INPP5A: variants seen among roughly 807,000 people sequenced by gnomAD.
INPP5A encodes the protein inositol polyphosphate-5-phosphatase A, also known as 43 kDa inositol polyphosphate 5-phophatase.
A neutral mutation model predicts 65.2 loss-of-function variants in INPP5A; 14 were observed. The ratio of observed to expected loss-of-function variants is 0.21; its 90% CI spans 0.14 to 0.34. The LOEUF (loss-of-function observed/expected upper bound fraction) is 0.34. INPP5A is among the 10% of genes least tolerant of loss of function. The probability of loss-of-function intolerance (pLI) is 1.00; values close to 1 mark genes in which losing one functional copy is unlikely to be tolerated. For synonymous variants in INPP5A, 207 were observed against 208.3 expected (o/e 0.99, Z 0.05); for missense variants, 431 against 545.6 (o/e 0.79, Z 2.09).
rs541120846 is a variant in INPP5A, at chr10:132,741,693, A to G, written c.733-7824A>G. On this transcript the variant is annotated intron_variant, in intron 9 of 15. Transcript: ENST00000368594. This position sits in a 1 kb window ranked among gnomAD's most constrained non-coding sequence, Gnocchi z 4.4. ...CGTCCGCTTGCTTTTCTCAATAGCC[A>G]ATGTAAACTGAGGTGGACGTCAGTA... Among the ~76,000 whole-genome samples, 1 of 150,502 alleles carries G rather than the reference A, an allele frequency of 6.6e-6. No individual in the cohort carries two copies. The highest frequency in any genetic ancestry group is 6.6e-5 in the Admixed American group (1 of 15,162).
intron 12 of INPP5A, 60 bp from the exon 13 acceptor site, chr10:132,777,611 C>G (rs1199375291): frequency 1.3e-6 from 2 of 1,504,560 alleles, no homozygotes; most frequent in South Asian, 2.4e-5. Flanking sequence ...ACAGCCGTCC[C>G]TTTGGGGCTG....
chr10:132,642,182 A>G (rs2072434803), intron 2 of INPP5A, among the ~76,000 whole-genome samples: 1 of 151,810 alleles, frequency 6.6e-6, no homozygotes, highest in African/African-American at 2.4e-5. Context: ...CGGTCTGGGG[A>G]CAGCCTGGAG....
In INPP5A at chr10:132,696,789, A is replaced by G. The variant is rs957985235; in HGVS notation, c.371-1027A>G. Among the ~76,000 whole-genome samples, 4 of 152,280 alleles carry G rather than the reference A, an allele frequency of 2.6e-5. No homozygotes were observed. In the East Asian group the frequency reaches 5.8e-4, roughly 22 times the overall value. On this transcript the variant is annotated intron_variant, in intron 5 of 15. Coordinates refer to ENST00000368594, the MANE Select transcript of INPP5A (RefSeq NM_005539.5). ...TGCGCCTAGGGCTGGGCCGGGTCAC[A>G]GCACCCAGGGCCAGGTCAGACCACA...
At chr10:132,688,787 A>G (rs750009504) in intron 4 of INPP5A, among the ~76,000 whole-genome samples, 1 of 148,214 alleles carries the variant, frequency 6.7e-6, no homozygotes, top group Non-Finnish European at 1.5e-5. Context: ...TTCGTGTGTG[A>G]GCAAGTGCGT....
rs1399710228 is a variant in INPP5A at position 132,753,162 on chromosome 10, G to T, written c.903+3317G>T. Among the ~76,000 whole-genome samples, 1 of 152,168 alleles carries T rather than the reference G, an allele frequency of 6.6e-6. No individual in the cohort carries two copies. On this transcript the variant is annotated intron_variant, in intron 11 of 15. Coordinates refer to ENST00000368594, the MANE Select transcript of INPP5A (RefSeq NM_005539.5). The surrounding 1 kb of genome is among the most constrained non-coding windows in gnomAD (Gnocchi z 5.3). Reference sequence around the variant, plus strand: ...CCCATGGGTTCCTGCTGACCCGGGTGCCCTCGCACTTGCCCGAGGTGCCGG... The same window carrying T: ...CCCATGGGTTCCTGCTGACCCGGGTTCCCTCGCACTTGCCCGAGGTGCCGG...
intron 1 of INPP5A, among the ~76,000 whole-genome samples, chr10:132,604,492 C>T (rs1454682440): frequency 6.6e-6 from 1 of 152,186 alleles, no homozygotes; most frequent in Non-Finnish European, 1.5e-5. Context: ...TCCTCTTCCC[C>T]CCGTTTGTTA....
intron 9 of INPP5A, among the ~76,000 whole-genome samples, chr10:132,742,872 G>T (rs904924082): frequency 2.0e-5 from 3 of 152,284 alleles, no homozygotes; most frequent in South Asian, 4.1e-4. Flanking sequence ...ACCGCTGAAG[G>T]CATTGTTTTT....
chr10:132,775,918 C>A (rs1299539567), intron 12 of INPP5A, among the ~76,000 whole-genome samples: 2 of 152,186 alleles, frequency 1.3e-5, no homozygotes, highest in Admixed American at 1.3e-4. Context: ...TCGGTTCCAG[C>A]TTCCTATTTA....
chr10:132,605,922 C>G (rs888753946), intron 1 of INPP5A, among the ~76,000 whole-genome samples: 2 of 152,186 alleles, frequency 1.3e-5, no homozygotes, highest in African/African-American at 2.4e-5. Context: ...TTTAGAGCAC[C>G]GTGTTAGGAC....
At position 132,715,811 on chromosome 10, in the gene INPP5A, C is replaced by G. The variant is rs919043295; in HGVS notation, c.647+5355C>G. On this transcript the variant is annotated intron_variant, in intron 8 of 15. Transcript: ENST00000368594. ...CTCACAGGCTCTTGCTGGTCGTGGGCTCGTCCCAATCAGGCTTTCTCAGAC... is the reference window on the plus strand; with the variant it reads ...CTCACAGGCTCTTGCTGGTCGTGGGGTCGTCCCAATCAGGCTTTCTCAGAC... Among the ~76,000 whole-genome samples, 9 of 152,208 alleles carry G rather than the reference C, an allele frequency of 5.9e-5. 1 individual carries two copies. The highest frequency in any genetic ancestry group is 1.7e-4 in the African/African-American group (7 of 41,454).
intron 8 of INPP5A, among the ~76,000 whole-genome samples, chr10:132,721,329 CGGGTTCTGTGGT>C (rs1845874612): frequency 4.5e-5 from 5 of 110,352 alleles, no homozygotes; most frequent in African/African-American, 1.4e-4. Flanking sequence ...GGCTGTCTTG[CGGGTTCTGTGGT>C]ACCTGGATTC....
chr10:132,687,472 C>T (rs1322239451), intron 4 of INPP5A, among the ~76,000 whole-genome samples: 1 of 152,252 alleles, frequency 6.6e-6, no homozygotes, highest in African/African-American at 2.4e-5. Context: ...CCATGTCAGG[C>T]ACACAGGTTC....
At chr10:132,702,900 G>T (rs1309215858) in intron 6 of INPP5A, among the ~76,000 whole-genome samples, 1 of 152,206 alleles carries the variant, frequency 6.6e-6, no homozygotes, top group Non-Finnish European at 1.5e-5. Flanking sequence ...TGTTTACACA[G>T]GGGTGACTGT....
intron 8 of INPP5A, among the ~76,000 whole-genome samples, chr10:132,719,687 C>T (rs1339641055): frequency 1.1e-4 from 14 of 126,984 alleles, no homozygotes; most frequent in East Asian, 2.6e-4. Flanking sequence ...GGCTGTCTTG[C>T]AGGTTCTGTG....
At chr10:132,564,283 C>T (rs1420113157) in intron 1 of INPP5A, among the ~76,000 whole-genome samples, 1 of 152,164 alleles carries the variant, frequency 6.6e-6, no homozygotes, top group Non-Finnish European at 1.5e-5. Context: ...GCGAGGGTCC[C>T]AGGGGACCTC....
chr10:132,726,999 A>T, intron 9 of INPP5A, 94 bp downstream of exon 9: 2 of 769,852 alleles, frequency 2.6e-6, no homozygotes, highest in South Asian at 4.3e-5. Flanking sequence ...GGCACTTTCA[A>T]TGCCATCCGC....
chr10:132,662,052 A>G (rs770623309), intron 4 of INPP5A, among the ~76,000 whole-genome samples: 6 of 152,246 alleles, frequency 3.9e-5, no homozygotes, highest in Admixed American at 6.5e-5. Context: ...AGCTAGAACC[A>G]TGCAGCTTCC....
intron 12 of INPP5A, among the ~76,000 whole-genome samples, chr10:132,777,020 G>A (rs1847076625): frequency 6.6e-6 from 1 of 152,214 alleles, no homozygotes; most frequent in African/African-American, 2.4e-5. Flanking sequence ...AGTGTGGGAT[G>A]CGCTCACTGT....
Position 132,575,375 on chromosome 10 carries a change from C to G in INPP5A, c.76-32540C>G, listed in dbSNP as rs369313138. Among the ~76,000 whole-genome samples, 5 of 152,268 alleles carry G rather than the reference C, an allele frequency of 3.3e-5. No homozygotes were observed. The highest frequency in any genetic ancestry group is 1.2e-4 in the African/African-American group (5 of 41,530). On this transcript the variant is annotated intron_variant, in intron 1 of 15. Transcript: ENST00000368594. This position sits in a 1 kb window ranked among gnomAD's most constrained non-coding sequence, Gnocchi z 5.4. Reference sequence around the variant, plus strand: ...TGACATGTGGCTAGCCTGCTCCCAGCCCCCCGCAGCTCACAGGGTCAGGAT... The same window carrying G: ...TGACATGTGGCTAGCCTGCTCCCAGGCCCCCGCAGCTCACAGGGTCAGGAT...
Sources: gnomAD v4.1 joint callset for allele counts (sites outside exome capture counted in the v4.1 genomes callset) on GRCh38, gnomAD v4.1.1 for gene constraint, Gnocchi (gnomAD v3.1) non-coding constraint, MANE v1.5 for transcripts, NCBI Gene and HGNC (gene_info 2026-07-23, HGNC 2026-07-21) for gene names.